Variants in C16orf96 observed in about 807,000 individuals in gnomAD.
C16orf96 encodes the protein uncharacterized protein C16orf96.
C16orf96 carries 108 observed loss-of-function variants against 103.6 expected under a neutral mutation model. The observed-to-expected ratio is 1.04, with a 90% confidence interval of 0.89 to 1.22. The LOEUF (loss-of-function observed/expected upper bound fraction) is 1.22, where lower values mean the gene tolerates loss of function less well. Among genes scored for constraint, C16orf96 ranks in the 50% most tolerant of loss-of-function variants. The pLI, the probability that C16orf96 is intolerant of heterozygous loss-of-function variation, is 0.00. For synonymous variants in C16orf96, 566 were observed against 593.5 expected, an observed-to-expected ratio of 0.95 and a Z score of 0.67; for missense variants, 1,586 against 1,464.2, an observed-to-expected ratio of 1.08 and a Z score of -1.36.
At chr16:4,544,129 A>G in the C16orf96 span, among the ~76,000 whole-genome samples, 1 of 152,166 alleles carries the variant, frequency 6.6e-6, no homozygotes, top group East Asian at 1.9e-4. Flanking sequence ...TGTCCCATGC[A>G]GTAAAAGTCA....
intron 7 of C16orf96, among the ~76,000 whole-genome samples, chr16:4,586,628 G>A (rs897788465): frequency 2.0e-5 from 3 of 152,186 alleles, no homozygotes; most frequent in South Asian, 2.1e-4. Flanking sequence ...TTTCCCTAAC[G>A]CTTGAGCACA....
rs1327067205 is a variant in C16orf96, at chr16:4,600,136, C to G, written c.3245C>G (p.Ser1082Trp). The G allele has an allele frequency of 1.1e-5, 17 of 1,551,606 alleles. No homozygotes were observed. Among genetic ancestry groups the G allele is most frequent in the Admixed American group, 3.9e-5 (2 of 50,980 alleles). Residue 1082 changes from serine to tryptophan, a missense_variant, in exon 16 of 16, where the codon TCG becomes TGG. Coordinates refer to ENST00000444310, the MANE Select transcript of C16orf96 (RefSeq NM_001145011.2). ...CGCTCCAGTGCCTGCTCAGCTGCCTCGGGCCCTCACCTGACGATGCCAGCT... is the reference window on the plus strand; with the variant it reads ...CGCTCCAGTGCCTGCTCAGCTGCCTGGGGCCCTCACCTGACGATGCCAGCT... ...CPRSSACSAA[S>W]GPHLTMPARP... is the part of the protein sequence containing the mutation.
At chr16:4,579,683 C>G (rs1381486595) in intron 6 of C16orf96, among the ~76,000 whole-genome samples, 1 of 149,950 alleles carries the variant, frequency 6.7e-6, no homozygotes, top group East Asian at 2.0e-4. Flanking sequence ...GTGACCTCAG[C>G]TCGCTGCAAC....
At chr16:4,584,289 G>GT (rs34205820) in intron 7 of C16orf96, among the ~76,000 whole-genome samples, 101,396 of 149,758 alleles carry the variant, frequency 0.68, 37,459 homozygotes, top group East Asian at 0.88. Flanking sequence ...CCAGGCTCAA[G>GT]TGATCCTCCC....
chr16:4,577,438 G>A (rs1055505004), intron 5 of C16orf96, among the ~76,000 whole-genome samples: 4 of 151,918 alleles, frequency 2.6e-5, no homozygotes, highest in Admixed American at 1.3e-4. Context: ...GCCAAGGCAG[G>A]CAGATACGGA....
chr16:4,575,122 G>A, intron 4 of C16orf96, 52 bp from the exon 5 acceptor site: 6 of 1,548,430 alleles, frequency 3.9e-6, no homozygotes, highest in Non-Finnish European at 5.2e-6. Context: ...CTGACTGAGA[G>A]TGGGAGGCGG....
chr16:4,558,944 G>A (rs997294905), intron 1 of C16orf96, among the ~76,000 whole-genome samples: 5 of 151,388 alleles, frequency 3.3e-5, no homozygotes, highest in Non-Finnish European at 7.4e-5. Context: ...AATTAGCCAG[G>A]TGTGGTAGCA....
chr16:4,582,153 A>G (rs1253913552), intron 7 of C16orf96, among the ~76,000 whole-genome samples: 3 of 151,936 alleles, frequency 2.0e-5, no homozygotes, highest in Admixed American at 2.0e-4. Context: ...ATGGTGGCGG[A>G]TGCCTGTAAT....
chr16:4,586,792 C>G (rs749836745), intron 7 of C16orf96, among the ~76,000 whole-genome samples: 3 of 152,146 alleles, frequency 2.0e-5, no homozygotes, highest in Admixed American at 1.3e-4. Context: ...TCTAACTCCC[C>G]GTGGAGGAAA....
intron 12 of C16orf96, 99 bp from the exon 13 acceptor site, chr16:4,594,252 T>A: frequency 7.3e-7 from 1 of 1,363,062 alleles, no homozygotes; most frequent in Non-Finnish European, 9.9e-7. Context: ...CTGAAAGAAA[T>A]GCTGGTCTTC....
Position 4,593,905 on chromosome 16 carries a change from C to T in C16orf96, c.2868-446C>T, listed in dbSNP as rs765188282. On this transcript the variant is annotated intron_variant, in intron 12 of 15. Transcript: ENST00000444310. This position sits in a 1 kb window ranked among gnomAD's most constrained non-coding sequence, Gnocchi z 4.2. Reference sequence around the variant, plus strand: ...GCTGGCTCCCTGGGTGCCAGCCCCACCCCTCAACCTCCTGACATCCCACAG... The same window carrying T: ...GCTGGCTCCCTGGGTGCCAGCCCCATCCCTCAACCTCCTGACATCCCACAG... Among the ~76,000 whole-genome samples, 5 of 152,156 alleles carry T rather than the reference C, an allele frequency of 3.3e-5. No individual in the cohort carries two copies. Among genetic ancestry groups the T allele is most frequent in the Non-Finnish European group, 7.4e-5 (5 of 68,022 alleles).
chr16:4,577,225 A>G (rs1463570599), intron 5 of C16orf96, among the ~76,000 whole-genome samples: 1 of 152,024 alleles, frequency 6.6e-6, no homozygotes, highest in Non-Finnish European at 1.5e-5. Context: ...CTCCTTTGTG[A>G]TAGCCCATAA....
intron 1 of C16orf96, chr16:4,563,135 T>G (rs1196470958): frequency 1.3e-6 from 1 of 777,986 alleles, no homozygotes; most frequent in East Asian, 2.7e-5. Flanking sequence ...TTTGTCAACC[T>G]CACTGTCAGA....
At chr16:4,553,709 A>G (rs1436891897), upstream of C16orf96, among the ~76,000 whole-genome samples, 7 of 152,096 alleles carry the variant, frequency 4.6e-5, no homozygotes, top group Admixed American at 4.6e-4. Context: ...TCCTGGATTC[A>G]AGCAACCCGC....
At position 4,593,456 on chromosome 16, in the gene C16orf96, A is replaced by C; in HGVS notation, c.2867+140A>C. 1 of 779,652 alleles carries C rather than the reference A, an allele frequency of 1.3e-6. No individual in the cohort carries two copies. The allele number at this position is 779,652 out of a possible 1,614,324, so 48.3% of individuals were successfully genotyped here. On this transcript the variant is annotated intron_variant, in intron 12 of 15. Coordinates refer to ENST00000444310, the MANE Select transcript of C16orf96 (RefSeq NM_001145011.2). This position sits in a 1 kb window ranked among gnomAD's most constrained non-coding sequence, Gnocchi z 4.2. ...CTGGACATGGCCAGCCCTTCGCAAG[A>C]CAGGCACTCCGAGAGGTGGCTGGGG...
At chr16:4,572,362 C>G (rs1221493691) in intron 2 of C16orf96, among the ~76,000 whole-genome samples, 2 of 135,976 alleles carry the variant, frequency 1.5e-5, no homozygotes, top group African/African-American at 2.7e-5. Flanking sequence ...TGTAGTGGCT[C>G]GATCTTGACT....
intron 14 of C16orf96, among the ~76,000 whole-genome samples, chr16:4,596,688 A>G (rs1897180525): frequency 6.6e-6 from 1 of 151,702 alleles, no homozygotes; most frequent in African/African-American, 2.4e-5. Context: ...TCTCAAAAAC[A>G]AACAAACAAA....
intron 1 of C16orf96, among the ~76,000 whole-genome samples, chr16:4,569,046 T>C (rs1039928986): frequency 1.3e-5 from 2 of 152,126 alleles, no homozygotes; most frequent in Admixed American, 1.3e-4. Context: ...CTTGGCTTGC[T>C]GCAACCTCTG....
At chr16:4,570,874 G>A (rs2059430576) in intron 1 of C16orf96, among the ~76,000 whole-genome samples, 1 of 152,112 alleles carries the variant, frequency 6.6e-6, no homozygotes, top group Non-Finnish European at 1.5e-5. Context: ...GGCTCCACAG[G>A]AGCCCGAGAG....
Sources: allele counts gnomAD v4.1 joint callset (sites outside exome capture counted in the v4.1 genomes callset), GRCh38; gene constraint gnomAD v4.1.1; non-coding constraint Gnocchi (gnomAD v3.1); transcripts MANE v1.5; gene names NCBI Gene and HGNC (gene_info 2026-07-23, HGNC 2026-07-21).